Variants in ARMC2 observed in about 807,000 individuals in gnomAD.
The protein encoded by ARMC2 is armadillo repeat-containing protein 2.
In ARMC2, 67 loss-of-function variants were observed where a neutral mutation model predicts 90.3. That is an observed-to-expected ratio of 0.74 (90% CI 0.61 to 0.91). The LOEUF is 0.91. Among genes scored for constraint, ARMC2 ranks in the 40% least tolerant of loss-of-function variants. The pLI, the probability that ARMC2 is intolerant of heterozygous loss-of-function variation, is 0.00. For missense variants in ARMC2, 920 were observed against 1,030.9 expected, an observed-to-expected ratio of 0.89 and a Z score of 1.47; for synonymous variants, 393 against 393.0, an observed-to-expected ratio of 1.00 and a Z score of 0.00.
intron 10 of ARMC2, among the ~76,000 whole-genome samples, chr6:108,925,908 T>A (rs1424913684): frequency 6.6e-6 from 1 of 152,228 alleles, no homozygotes; most frequent in Non-Finnish European, 1.5e-5. Context: ...AAATGTGGGC[T>A]TTCTCTCCTG....
the ARMC2 span, among the ~76,000 whole-genome samples, chr6:109,030,870 G>A: frequency 1.3e-5 from 2 of 152,148 alleles, no homozygotes; most frequent in African/African-American, 4.8e-5. Flanking sequence ...ACAAGTGGCA[G>A]AGCTACAAGT....
At chr6:109,000,808 GT>G in the ARMC2 span, 1 of 632,684 alleles carries the variant, frequency 1.6e-6, no homozygotes, top group Non-Finnish European at 2.3e-6. Context: ...CAGAAATGCA[GT>G]TTTTATATAA....
At chr6:108,939,487 CTTCTT>C (rs1318654453) in intron 12 of ARMC2, among the ~76,000 whole-genome samples, 2 of 152,160 alleles carry the variant, frequency 1.3e-5, no homozygotes, top group East Asian at 3.9e-4. Flanking sequence ...TGCTCTCTCT[CTTCTT>C]CCTGCTCTGG....
chr6:109,037,362 T>C, the ARMC2 span, among the ~76,000 whole-genome samples: 1 of 152,346 alleles, frequency 6.6e-6, no homozygotes, highest in South Asian at 2.1e-4. Flanking sequence ...GGAAACATTA[T>C]TAGGCCGTAG....
intron 4 of ARMC2, among the ~76,000 whole-genome samples, chr6:108,873,468 C>T (rs116998804): frequency 0.011 from 1,739 of 152,170 alleles, 6 homozygotes; most frequent in South Asian, 0.032. Context: ...GTGGGTGCAC[C>T]GGCAGGGTGG....
the ARMC2 span, chr6:108,988,358 T>C: frequency 2.3e-5 from 11 of 482,170 alleles, no homozygotes; most frequent in Admixed American, 8.2e-5. Context: ...TCCCTGTCTT[T>C]ATTCTTTTAC....
chr6:108,855,980 T>C (rs1774552444), intron 2 of ARMC2, among the ~76,000 whole-genome samples: 1 of 152,220 alleles, frequency 6.6e-6, no homozygotes, highest in Non-Finnish European at 1.5e-5. Context: ...CTTTTGCAAA[T>C]GTTGTCTCCT....
the ARMC2 span, chr6:108,990,904 A>G: frequency 7.5e-7 from 1 of 1,339,340 alleles, no homozygotes; most frequent in Non-Finnish European, 1.0e-6. Context: ...ATAGCTCTGT[A>G]GCATGGTAAA....
chr6:108,870,498 A>T (rs933931306), intron 4 of ARMC2, among the ~76,000 whole-genome samples: 6 of 150,254 alleles, frequency 4.0e-5, no homozygotes, highest in Admixed American at 3.3e-4. Flanking sequence ...AAAGAAAGAA[A>T]GAGAGAGAGA....
At chr6:108,980,465 G>T in the ARMC2 span, among the ~76,000 whole-genome samples, 1 of 152,202 alleles carries the variant, frequency 6.6e-6, no homozygotes, top group East Asian at 1.9e-4. Flanking sequence ...GGATACGCGG[G>T]TGGCCAGGGA....
intron 12 of ARMC2, among the ~76,000 whole-genome samples, chr6:108,948,454 G>T (rs938092127): frequency 6.6e-6 from 1 of 151,814 alleles, no homozygotes; most frequent in Non-Finnish European, 1.5e-5. Flanking sequence ...AAAAGAAAAA[G>T]TGCCTTAGCT....
At chr6:109,007,785 C>CT in the ARMC2 span, among the ~76,000 whole-genome samples, 1,256 of 103,186 alleles carry the variant, frequency 0.012, 13 homozygotes, top group South Asian at 0.019. Context: ...AGTCCAGGTA[C>CT]TTTTTTTTTT....
intron 1 of ARMC2, chr6:108,848,884 G>C (rs1773714851): frequency 6.6e-6 from 1 of 152,280 alleles, no homozygotes; most frequent in South Asian, 2.1e-4. Flanking sequence ...TGTGTCCTCG[G>C]ATGGGGTAGA....
chr6:108,943,241 A>C (rs1044527119), intron 12 of ARMC2, among the ~76,000 whole-genome samples: 1 of 152,186 alleles, frequency 6.6e-6, no homozygotes, highest in African/African-American at 2.4e-5. Flanking sequence ...TCAACATATG[A>C]GAAGTCTGAA....
At chr6:109,052,176 T>G in the ARMC2 span, among the ~76,000 whole-genome samples, 181 of 152,326 alleles carry the variant, frequency 1.2e-3, no homozygotes, top group African/African-American at 4.2e-3. Context: ...GTTGCTTATT[T>G]TATTATAATC....
chr6:109,052,669 A>G, the ARMC2 span, among the ~76,000 whole-genome samples: 1 of 152,218 alleles, frequency 6.6e-6, no homozygotes, highest in African/African-American at 2.4e-5. Context: ...CAGGTTTTAT[A>G]TAAGTTACTG....
At chr6:108,998,471 T>C in the ARMC2 span, 9 of 1,607,068 alleles carry the variant, frequency 5.6e-6, no homozygotes, top group Non-Finnish European at 7.7e-6. Context: ...CAGCAATTAT[T>C]GTGATTAGTT....
the ARMC2 span, among the ~76,000 whole-genome samples, chr6:109,049,057 T>C: frequency 1.3e-5 from 2 of 152,202 alleles, no homozygotes; most frequent in Non-Finnish European, 2.9e-5. Flanking sequence ...AGAACATGTG[T>C]ATGAATAAAT....
In ARMC2 at chr6:108,964,218, C is replaced by T. The variant is rs1778200004; in HGVS notation, c.2191C>T (p.Gln731Ter). 1.2e-6 allele frequency: 2 copies of T among 1,613,968 alleles called. No homozygotes were observed. The highest frequency in any genetic ancestry group is 1.7e-6 in the Non-Finnish European group (2 of 1,179,872). Reference protein sequence around the residue: ...FMMALLDAQHQDICFSACGVL... With the variant: ...FMMALLDAQH ...GATGGCGCTGCTGGATGCTCAGCATCAGGATATCTGCTTTTCTGCCTGTGG... is the reference window on the plus strand; with the variant it reads ...GATGGCGCTGCTGGATGCTCAGCATTAGGATATCTGCTTTTCTGCCTGTGG... Residue 731 changes from glutamine to a stop codon, truncating the protein, a stop_gained, in exon 16 of 18, where the codon CAG (glutamine) becomes TAG (stop). Transcript: ENST00000392644. LOFTEE classifies it high-confidence loss of function.
Sources: allele counts gnomAD v4.1 joint callset (sites outside exome capture counted in the v4.1 genomes callset), GRCh38; gene constraint gnomAD v4.1.1; transcripts MANE v1.5; gene names NCBI Gene and HGNC (gene_info 2026-07-23, HGNC 2026-07-21).